CP: variants seen among roughly 807,000 people sequenced by gnomAD.
The protein encoded by CP is caeruloplasmin.
In CP, 64 loss-of-function variants were observed where a neutral mutation model predicts 122.4. The observed-to-expected ratio is 0.52, with a 90% CI of 0.43 to 0.64. The LOEUF is 0.64. Ranked by LOEUF, CP falls within the 30% of genes least tolerant of loss-of-function variation. The probability of loss-of-function intolerance (pLI) is 0.00; values close to 1 mark genes in which losing one functional copy is unlikely to be tolerated. For synonymous variants in CP, 440 were observed against 436.4 expected, an observed-to-expected ratio of 1.01 and a Z score of -0.10; for missense variants, 1,167 against 1,284.4, an observed-to-expected ratio of 0.91 and a Z score of 1.40.
chr3:149,186,113 G>A (rs1181166801), intron 11 of CP: 4 of 268,378 alleles, frequency 1.5e-5, no homozygotes, highest in South Asian at 1.4e-4. Flanking sequence ...TGCTAGCATA[G>A]AATATTCACT....
rs942162295 is a variant in CP, at chr3:149,179,513, T to C, written c.2661+43A>G. 2.2e-6 allele frequency: 3 copies of C among 1,386,590 alleles called. No individual in the cohort carries two copies. In the African/African-American group the frequency reaches 4.3e-5, roughly 20 times the overall value. 85.9% of individuals were successfully genotyped at this position (1,386,590 alleles called of 1,614,324 possible). ...AACCTTGTCTTCCTTCAATTGTGTG[T>C]CTATTTTGGGAAGTGTCACAAAACA... is the stretch of plus-strand genomic sequence containing the variant. On this transcript the variant is annotated intron_variant, in intron 15 of 18. Transcript: ENST00000264613.
At position 149,162,963 on chromosome 3, in the gene CP, A is replaced by C. The variant is rs1724037635; in HGVS notation, c.*14-88T>G. ...CCTTATTTTTAATAACTTATTATAAAATCTAACCTAGTTTTCTATTACCAG... is the reference window on the plus strand; with the variant it reads ...CCTTATTTTTAATAACTTATTATAACATCTAACCTAGTTTTCTATTACCAG... On this transcript the variant is annotated intron_variant, in intron 5 of 5. Coordinates refer to the CP transcript ENST00000479771. 4 of 1,159,320 alleles carry C rather than the reference A, an allele frequency of 3.5e-6. No individual in the cohort carries two copies. The East Asian group carries it at 1.0e-4, about 29-fold the overall frequency. The allele number at this position is 1,159,320 out of a possible 1,614,324, so 71.8% of individuals were successfully genotyped here. A position where few individuals can be genotyped will look rare whatever the true frequency, so the allele number is the denominator to read the frequency against.
At position 149,186,576 on chromosome 3, in the gene CP, G is replaced by A. The variant is rs1726186050; in HGVS notation, c.2021C>T (p.Thr674Ile). Reference protein sequence around the residue: ...TYLWRGERRDTANLFPQTSLT... With the variant: ...TYLWRGERRDIANLFPQTSLT... ...ACTTGTTTGAGGGAAGAGGTTTGCT[G>A]TGTCTCTCCGTTCTCCTCTCCACAG... The change falls in exon 11 of 19, where the codon ACA (threonine) becomes ATA (isoleucine). Residue 674 changes from threonine (T) to isoleucine (I), a missense_variant. Transcript: ENST00000264613. 4 of 1,614,186 alleles carry A rather than the reference G, an allele frequency of 2.5e-6. No individual in the cohort carries two copies. The highest frequency in any genetic ancestry group is 1.7e-6 in the Non-Finnish European group (2 of 1,180,030).
chr3:149,181,986 C>CGGGGGGGGGGGG lies in CP; in HGVS notation c.2554+18_2554+19insCCCCCCCCCCCC. On this transcript the variant is annotated intron_variant, in intron 14 of 18. Coordinates refer to ENST00000264613, the MANE Select transcript of CP (RefSeq NM_000096.4). ...AGCCTGTTAAAATGCACCACCCCCACCCCCGCCCCCGTGAGTACCTGGTAA... is the reference window on the plus strand; with the variant it reads ...AGCCTGTTAAAATGCACCACCCCCACGGGGGGGGGGGGCCCCGCCCCCGTGAGTACCTGGTAA... 5.1e-6 allele frequency: 3 copies of CGGGGGGGGGGGG among 586,872 alleles called. No individual in the cohort carries two copies. The highest frequency in any genetic ancestry group is 9.4e-6 in the Non-Finnish European group (3 of 319,258). The allele number at this position is 586,872 out of a possible 1,614,324, so 36.4% of individuals were successfully genotyped here. A position where few individuals can be genotyped will look rare whatever the true frequency, so the allele number is the denominator to read the frequency against.
At chr3:149,212,769 A>T in intron 1 of CP, 71 bp from the exon 2 acceptor site, 2 of 1,518,938 alleles carry the variant, frequency 1.3e-6, no homozygotes, top group Non-Finnish European at 1.8e-6. Context: ...TTATAATTTA[A>T]TAACATTATA....
chr3:149,188,473 A>AT (rs1015444029), intron 9 of CP, among the ~76,000 whole-genome samples: 1 of 136,504 alleles, frequency 7.3e-6, no homozygotes, highest in African/African-American at 2.9e-5. Flanking sequence ...CACATTGTGC[A>AT]TACCAATTGA....
chr3:149,181,756 A>AT (rs1339669241), intron 14 of CP, among the ~76,000 whole-genome samples: 1 of 152,008 alleles, frequency 6.6e-6, no homozygotes, highest in African/African-American at 2.4e-5. Flanking sequence ...CATCTCTCTG[A>AT]TTCACGCTTG....
At chr3:149,207,763 T>A in intron 4 of CP, 146 bp from the exon 5 acceptor site, 1 of 811,348 alleles carries the variant, frequency 1.2e-6, no homozygotes, top group Non-Finnish European at 2.1e-6. Context: ...ATGTCAGACA[T>A]TGCTAATCAA....
chr3:149,202,059 A>G, intron 7 of CP, 43 bp downstream of exon 7: 1 of 1,613,494 alleles, frequency 6.2e-7, no homozygotes. Flanking sequence ...GATGTAGCCC[A>G]TGGGAAGAGT....
chr3:149,173,683 C>CT lies in CP; in HGVS notation c.*30dup. The CT allele has an allele frequency of 7.1e-7, 1 of 1,412,210 alleles. No individual in the cohort carries two copies. Among genetic ancestry groups the CT allele is most frequent in the Non-Finnish European group, 9.8e-7 (1 of 1,019,662 alleles). 87.5% of individuals were successfully genotyped at this position (1,412,210 alleles called of 1,614,324 possible). A position where few individuals can be genotyped will look rare whatever the true frequency, so the allele number is the denominator to read the frequency against. On this transcript the variant is annotated 3_prime_UTR_variant, in exon 19 of 19. Coordinates refer to ENST00000264613, the MANE Select transcript of CP (RefSeq NM_000096.4). ...ATTGTTATGAATCATTGGTTTTTCT[C>CT]TTTTTTCCACTTATCACCAATTTAT...
At chr3:149,183,414 G>GGT (rs1277577405) in intron 13 of CP, 52 bp downstream of exon 13, 1 of 1,578,280 alleles carries the variant, frequency 6.3e-7, no homozygotes, top group East Asian at 2.2e-5. Flanking sequence ...GGTTACTGCA[G>GGT]GTAGCATCAC....
intron 9 of CP, among the ~76,000 whole-genome samples, chr3:149,188,651 A>C (rs1726348671): frequency 6.6e-6 from 1 of 152,164 alleles, no homozygotes; most frequent in Non-Finnish European, 1.5e-5. Flanking sequence ...CCAGATGAAG[A>C]AATAACCTCC....
intron 4 of CP, among the ~76,000 whole-genome samples, chr3:149,207,966 T>C (rs985315750): frequency 2.0e-5 from 3 of 152,276 alleles, no homozygotes; most frequent in East Asian, 1.9e-4. Context: ...ATAGAATTAA[T>C]AGAAAAAAGA....
At chr3:149,200,190 G>A (rs1727204936) in intron 7 of CP, among the ~76,000 whole-genome samples, 1 of 152,198 alleles carries the variant, frequency 6.6e-6, no homozygotes, top group Non-Finnish European at 1.5e-5. Context: ...GGCTGGAGGT[G>A]TGTCATTTGT....
In CP at chr3:149,162,868, C is replaced by T. The variant is rs373037058; in HGVS notation, c.*21G>A. The T allele has an allele frequency of 7.3e-5, 118 of 1,612,986 alleles. No individual in the cohort carries two copies. The East Asian group carries it at 1.6e-3, about 22-fold the overall frequency. On this transcript the variant is annotated 3_prime_UTR_variant, in exon 6 of 6. Transcript: ENST00000479771. ...CCTGACACCACACCATTGCGAACAT[C>T]GGAGGATCTGGTAAGATAATGGAAT...
chr3:149,196,751 G>C (rs528140010), intron 9 of CP, among the ~76,000 whole-genome samples: 1 of 85,686 alleles, frequency 1.2e-5, no homozygotes, highest in African/African-American at 4.7e-5. Context: ...AAAAAATTGA[G>C]AAGCCTTTGA....
chr3:149,212,311 A>T (rs1728168362), intron 2 of CP, 140 bp downstream of exon 2: 1 of 915,452 alleles, frequency 1.1e-6, no homozygotes, highest in African/African-American at 1.7e-5. Flanking sequence ...AAAAAAATTA[A>T]AAAAAAATAA....
At chr3:149,172,276 T>A, downstream of CP, 1 of 1,506,090 alleles carries the variant, frequency 6.6e-7, no homozygotes, top group Non-Finnish European at 9.1e-7. Flanking sequence ...TTCTAAAAAT[T>A]GAATGCCAAA....
At position 149,181,990 on chromosome 3, in the gene CP, C is replaced by G. The variant is rs751719558; in HGVS notation, c.2554+15G>C. On this transcript the variant is annotated intron_variant, in intron 14 of 18. Coordinates refer to ENST00000264613, the MANE Select transcript of CP (RefSeq NM_000096.4). ...TGTTAAAATGCACCACCCCCACCCC[C>G]GCCCCCGTGAGTACCTGGTAATGTT... 6.4e-6 allele frequency: 5 copies of G among 781,802 alleles called. No individual in the cohort carries two copies. In the East Asian group the frequency reaches 2.6e-4, roughly 40 times the overall value. The allele number at this position is 781,802 out of a possible 1,614,324, so 48.4% of individuals were successfully genotyped here.
Sources: gnomAD v4.1 joint callset for allele counts (sites outside exome capture counted in the v4.1 genomes callset) on GRCh38, gnomAD v4.1.1 for gene constraint, MANE v1.5 for transcripts, NCBI Gene and HGNC (gene_info 2026-07-23, HGNC 2026-07-21) for gene names.